Variants in MCOLN3 observed in about 807,000 individuals in gnomAD.
MCOLN3 encodes mucolipin-3.
In MCOLN3, 62 loss-of-function variants were observed where a neutral mutation model predicts 69.4. That is an observed-to-expected ratio of 0.89 (90% CI 0.73 to 1.10). The LOEUF is 1.10. MCOLN3 is among the 50% of genes least tolerant of loss of function. The pLI, the probability that MCOLN3 is intolerant of heterozygous loss-of-function variation, is 0.00. For missense variants in MCOLN3, 564 were observed against 656.4 expected, an observed-to-expected ratio of 0.86 and a Z score of 1.54; for synonymous variants, 183 against 217.0, an observed-to-expected ratio of 0.84 and a Z score of 1.38.
In MCOLN3 at chr1:85,022,320, G is replaced by A. The variant is rs139130563; in HGVS notation, c.1176C>T (p.Leu392=). The A allele has an allele frequency of 1.0e-3, 1,627 of 1,613,758 alleles. 2 individuals are homozygous for A. The highest frequency in any genetic ancestry group is 1.3e-3 in the Non-Finnish European group (1,555 of 1,179,832). ...TTACGTTGTACTTTGCAAAGAAACC[G>A]AGGTATCGGATGACTCCAAGCCACA... ...MLVWLGVIRY[L]GFFAKYNLLI... Residue 392 remains leucine (L), a synonymous_variant, in exon 10 of 13, where the codon CTC becomes CTT. Transcript: ENST00000370589.
chr1:85,045,267 G>A lies in MCOLN3; in HGVS notation c.94C>T (p.Leu32Phe). The A allele has an allele frequency of 1.9e-6, 3 of 1,614,098 alleles. No homozygotes were observed. The highest frequency in any genetic ancestry group is 2.5e-6 in the Non-Finnish European group (3 of 1,180,012). The change falls in exon 2 of 13, where the codon CTT (leucine) becomes TTT (phenylalanine). Residue 32 changes from leucine (L) to phenylalanine (F), a missense_variant. Leu to Phe is a conservative substitution (Grantham distance 22). Transcript: ENST00000370589. ...CGCCTCATCTGGTCTTCTAATAGAA[G>A]CTCCTCAGATGGAGATGTTTGCTGG... The part of the protein sequence containing the change: ...FNQQTSPSEE[L>F]LLEDQMRRKL...
rs756193641 is a variant in MCOLN3 at position 85,029,127 on chromosome 1, CT to C, written c.810del (p.Asp271ThrfsTer15). ...TTACTTGATCCAGATACATGCCAGTCTTTACATTCTCTGATGGAAATGTCAT... is the reference window on the plus strand; with the variant it reads ...TTACTTGATCCAGATACATGCCAGTCTTACATTCTCTGATGGAAATGTCAT... Reference protein sequence around the residue: ...LDNDISIRECKDWHVSGSIQK... With the variant: ...LDNDISIRECXDWHVSGSIQK... On this transcript the variant is annotated frameshift_variant, in exon 7 of 13. Transcript: ENST00000370589. LOFTEE classifies it high-confidence loss of function. The C allele has an allele frequency of 1.3e-6, 2 of 1,597,472 alleles. No individual in the cohort carries two copies. The highest frequency in any genetic ancestry group is 2.2e-5 in the South Asian group (2 of 90,724).
intron 3 of MCOLN3, chr1:85,036,897 T>G (rs1162940793): frequency 6.6e-6 from 1 of 152,194 alleles, no homozygotes; most frequent in African/African-American, 2.4e-5. Flanking sequence ...GTTAAACTTG[T>G]TTAAAATCTA....
intron 6 of MCOLN3, among the ~76,000 whole-genome samples, chr1:85,032,271 C>G (rs1244039310): frequency 5.9e-5 from 9 of 152,130 alleles, no homozygotes; most frequent in Non-Finnish European, 5.9e-5. Context: ...AAGATGTATA[C>G]TACAAACCCC....
rs1481445160 is a variant in MCOLN3, at chr1:85,041,176, AGCTT to A, written c.229-3_229del. 1 of 1,610,804 alleles carries A rather than the reference AGCTT, an allele frequency of 6.2e-7. No homozygotes were observed. Among genetic ancestry groups the A allele is most frequent in the Admixed American group, 1.7e-5 (1 of 59,230 alleles). On this transcript the variant is annotated splice_acceptor_variant and splice_polypyrimidine_tract_variant and coding_sequence_variant and intron_variant, in exon 3 of 13. Transcript: ENST00000370589. LOFTEE classifies it high-confidence loss of function. Reference sequence around the variant, plus strand: ...CTGGTTACTTAGCCCAAATAAGACCAGCTTAAAAGAAAAAAAAGAAAAGGTAAGA... The same window carrying A: ...CTGGTTACTTAGCCCAAATAAGACCAAAAAGAAAAAAAAGAAAAGGTAAGA...
intron 7 of MCOLN3, among the ~76,000 whole-genome samples, chr1:85,028,720 C>T (rs1464696724): frequency 6.6e-6 from 1 of 152,146 alleles, no homozygotes; most frequent in African/African-American, 2.4e-5. Flanking sequence ...TTAGTTTCTT[C>T]ATCTGTAAAA....
At chr1:85,037,765 T>C (rs1652867103) in intron 3 of MCOLN3, among the ~76,000 whole-genome samples, 1 of 152,148 alleles carries the variant, frequency 6.6e-6, no homozygotes, top group Non-Finnish European at 1.5e-5. Context: ...TATGAGATGA[T>C]GGTTGGAACT....
At chr1:85,027,543 T>G (rs947403392) in intron 7 of MCOLN3, among the ~76,000 whole-genome samples, 1 of 152,106 alleles carries the variant, frequency 6.6e-6, no homozygotes, top group Non-Finnish European at 1.5e-5. Context: ...TTTGGGAGCT[T>G]GTTAGAGATG....
chr1:85,043,841 CTTTT>C (rs550836893), intron 2 of MCOLN3, among the ~76,000 whole-genome samples: 1 of 142,208 alleles, frequency 7.0e-6, no homozygotes, highest in African/African-American at 2.6e-5. Flanking sequence ...AGCCATGTGA[CTTTT>C]TTTTTTTTTT....
chr1:85,041,740 C>G (rs768730152), intron 2 of MCOLN3, among the ~76,000 whole-genome samples: 5 of 151,900 alleles, frequency 3.3e-5, no homozygotes, highest in Non-Finnish European at 7.4e-5. Flanking sequence ...CATGGTGGCG[C>G]ATGCCTGTAA....
intron 2 of MCOLN3, 97 bp from the exon 3 acceptor site, chr1:85,041,274 T>G: frequency 1.0e-6 from 1 of 957,406 alleles, no homozygotes; most frequent in Non-Finnish European, 1.5e-6. Context: ...TAGAAGAGTT[T>G]AAAATGAATT....
chr1:85,045,011 T>C, intron 2 of MCOLN3, 122 bp downstream of exon 2: 1 of 682,462 alleles, frequency 1.5e-6, no homozygotes, highest in Non-Finnish European at 2.4e-6. Flanking sequence ...GTATGTTTTC[T>C]TATCTGTTAC....
intron 12 of MCOLN3, among the ~76,000 whole-genome samples, chr1:85,019,856 T>C (rs1651837469): frequency 6.6e-6 from 1 of 152,152 alleles, no homozygotes; most frequent in Non-Finnish European, 1.5e-5. Flanking sequence ...GGCAAGTTTG[T>C]TTAAGGGCCT....
At chr1:85,044,029 C>T (rs956536330) in intron 2 of MCOLN3, among the ~76,000 whole-genome samples, 11 of 152,142 alleles carry the variant, frequency 7.2e-5, no homozygotes, top group African/African-American at 2.7e-4. Flanking sequence ...GCTGGAATTA[C>T]AGGCATGAGC....
At chr1:85,020,362 C>G (rs1392099136) in intron 12 of MCOLN3, among the ~76,000 whole-genome samples, 2 of 152,160 alleles carry the variant, frequency 1.3e-5, no homozygotes, top group African/African-American at 4.8e-5. Flanking sequence ...CCCTCTCATA[C>G]CCAGAAAGAA....
Position 85,032,899 on chromosome 1 carries a change from T to A in MCOLN3, c.608A>T (p.Lys203Ile). Residue 203 changes from lysine (K) to isoleucine (I), a missense_variant, in exon 5 of 13, where the codon AAA (lysine) becomes ATA (isoleucine). Coordinates refer to ENST00000370589, the MANE Select transcript of MCOLN3 (RefSeq NM_018298.11). ...GTGGAAGTCCAGTGTTAAGTTCAGT[T>A]TATTTTCTGCTGGTGTCCCAATGTG... is the stretch of plus-strand genomic sequence containing the variant. ...PFHIGTPAEN[K>I]LNLTLDFHRL... 1 of 1,614,172 alleles carries A rather than the reference T, an allele frequency of 6.2e-7. No homozygotes were observed. Among genetic ancestry groups the A allele is most frequent in the Non-Finnish European group, 8.5e-7 (1 of 1,180,034 alleles).
intron 2 of MCOLN3, among the ~76,000 whole-genome samples, chr1:85,042,766 C>T (rs1320043903): frequency 6.6e-6 from 1 of 152,158 alleles, no homozygotes; most frequent in African/African-American, 2.4e-5. Flanking sequence ...CTTTCTTTTG[C>T]TGCTGCAGAC....
At chr1:85,036,445 T>C (rs1330250848) in intron 3 of MCOLN3, among the ~76,000 whole-genome samples, 1 of 152,118 alleles carries the variant, frequency 6.6e-6, no homozygotes, top group Non-Finnish European at 1.5e-5. Flanking sequence ...CACCTCAACC[T>C]CCCAAAGTGC....
chr1:85,030,994 C>T (rs565951520), intron 6 of MCOLN3, among the ~76,000 whole-genome samples: 95 of 152,100 alleles, frequency 6.2e-4, no homozygotes, highest in African/African-American at 8.4e-4. Flanking sequence ...CAGTGAGGGC[C>T]GGGCACGGTG....
Sources: allele counts gnomAD v4.1 joint callset (sites outside exome capture counted in the v4.1 genomes callset), GRCh38; gene constraint gnomAD v4.1.1; transcripts MANE v1.5; gene names NCBI Gene and HGNC (gene_info 2026-07-23, HGNC 2026-07-21).